Variants in GNAL observed in about 807,000 individuals in gnomAD.
GNAL encodes the protein G protein subunit alpha L.
A neutral mutation model predicts 55.1 loss-of-function variants in GNAL; 18 were observed. The observed-to-expected ratio is 0.33, with a 90% CI of 0.23 to 0.48. The LOEUF is 0.48. GNAL is among the 20% of genes least tolerant of loss of function. GNAL has a pLI of 0.99. For missense variants in GNAL, 412 were observed against 614.1 expected (o/e 0.67, Z 3.48); for synonymous variants, 253 against 237.0 (o/e 1.07, Z -0.62).
At chr18:11,744,164 A>G (rs542220962) in intron 1 of GNAL, among the ~76,000 whole-genome samples, 159 of 152,296 alleles carry the variant, frequency 1.0e-3, no homozygotes, top group African/African-American at 3.7e-3. Context: ...GAGACATGTA[A>G]CCTACTTTTC....
rs972695427 is a variant in GNAL, at chr18:11,698,863, G to A, written c.376+8924G>A. 2.0e-5 allele frequency among the ~76,000 whole-genome samples: 3 copies of A among 152,172 alleles called. No individual in the cohort carries two copies. In the South Asian group the frequency reaches 6.2e-4, roughly 32 times the overall value. ...TCCAGCACAAGTGACTTTCCCTGTT[G>A]ACAGTGTCAGACTAATGTGTCATTT... On this transcript the variant is annotated intron_variant, in intron 1 of 11. Coordinates refer to ENST00000334049, the MANE Select transcript of GNAL (RefSeq NM_182978.4).
At chr18:11,809,029 G>A (rs143975092) in intron 4 of GNAL, among the ~76,000 whole-genome samples, 571 of 152,300 alleles carry the variant, frequency 3.7e-3, no homozygotes, top group African/African-American at 0.013. Context: ...AGGCCAAGGC[G>A]GGCAGATCAC....
At chr18:11,773,701 C>G (rs1198858589) in intron 4 of GNAL, among the ~76,000 whole-genome samples, 2 of 152,180 alleles carry the variant, frequency 1.3e-5, no homozygotes, top group African/African-American at 4.8e-5. Context: ...GGAGGATCAC[C>G]TGAGCCCAGG....
At chr18:11,717,248 G>A (rs529649088) in intron 1 of GNAL, among the ~76,000 whole-genome samples, 24 of 152,328 alleles carry the variant, frequency 1.6e-4, no homozygotes, top group Admixed American at 9.8e-4. Flanking sequence ...AAGTCACACT[G>A]GCCCTGTTCC....
intron 5 of GNAL, among the ~76,000 whole-genome samples, chr18:11,861,886 A>G (rs74255565): frequency 0.075 from 11,336 of 151,770 alleles, 724 homozygotes; most frequent in African/African-American, 0.17. Context: ...TCACCCTTAC[A>G]CTTTTACACA....
intron 10 of GNAL, among the ~76,000 whole-genome samples, chr18:11,875,027 A>T (rs548962473): frequency 1.3e-5 from 2 of 152,304 alleles, no homozygotes; most frequent in South Asian, 4.1e-4. Flanking sequence ...TAATGATAGG[A>T]CCACATGAAT....
At chr18:11,734,142 CTT>C (rs1266453670) in intron 1 of GNAL, among the ~76,000 whole-genome samples, 112 of 147,346 alleles carry the variant, frequency 7.6e-4, no homozygotes, top group African/African-American at 2.8e-3. Context: ...TTTTCTTTTT[CTT>C]TTTCTTTTTT....
intron 4 of GNAL, among the ~76,000 whole-genome samples, chr18:11,803,350 A>T (rs2034568562): frequency 1.3e-5 from 2 of 152,222 alleles, no homozygotes; most frequent in South Asian, 4.1e-4. Context: ...CATGTCACTT[A>T]GCACAAAGTC....
chr18:11,714,386 G>A (rs898560609), intron 1 of GNAL, among the ~76,000 whole-genome samples: 1 of 152,198 alleles, frequency 6.6e-6, no homozygotes, highest in Non-Finnish European at 1.5e-5. Context: ...GGGACAGTAG[G>A]TGCTGAGGTG....
rs1298329884 is a variant in GNAL, at chr18:11,883,072, CTT to C, written c.*1939_*1940del. ...TATTACTCTTCTTTTAGTCTTTAGT[CTT>C]TAATATTTTAAAGTTTACTCTATAA... is the stretch of plus-strand genomic sequence containing the variant. On this transcript the variant is annotated 3_prime_UTR_variant, in exon 12 of 12. Transcript: ENST00000334049. 1.3e-5 allele frequency: 2 copies of C among 152,114 alleles called. No individual in the cohort carries two copies. The highest frequency in any genetic ancestry group is 1.5e-5 in the Non-Finnish European group (1 of 68,024). The allele number at this position is 152,114 out of a possible 1,614,324, so 9.4% of individuals were successfully genotyped here. A position where few individuals can be genotyped will look rare whatever the true frequency, so the allele number is the denominator to read the frequency against.
intron 4 of GNAL, among the ~76,000 whole-genome samples, chr18:11,764,150 G>T (rs1312343017): frequency 6.6e-6 from 1 of 151,972 alleles, no homozygotes; most frequent in African/African-American, 2.4e-5. Flanking sequence ...TGTCGCCCAG[G>T]CTACAGTGCA....
chr18:11,754,181 G>A (rs906758799), intron 4 of GNAL, among the ~76,000 whole-genome samples: 6 of 152,136 alleles, frequency 3.9e-5, no homozygotes, highest in Admixed American at 6.6e-5. Context: ...TTGGGAGGCC[G>A]AGGCGGGCAG....
chr18:11,870,227 T>A (rs930253913), intron 9 of GNAL, among the ~76,000 whole-genome samples: 5 of 151,954 alleles, frequency 3.3e-5, no homozygotes, highest in Non-Finnish European at 7.4e-5. Context: ...TTTTAGGAAG[T>A]ACCAGTTTAG....
chr18:11,760,407 A>G (rs958022587), intron 4 of GNAL, among the ~76,000 whole-genome samples: 6 of 152,166 alleles, frequency 3.9e-5, no homozygotes, highest in African/African-American at 1.4e-4. Context: ...TTTATGGGAG[A>G]AAGGCAACAT....
intron 1 of GNAL, among the ~76,000 whole-genome samples, chr18:11,709,608 ATTGT>A (rs1388272984): frequency 6.6e-6 from 1 of 151,904 alleles, no homozygotes; most frequent in Non-Finnish European, 1.5e-5. Context: ...CAGATAGTTC[ATTGT>A]TTGTATGTAA....
At chr18:11,715,338 G>C (rs1454037691) in intron 1 of GNAL, among the ~76,000 whole-genome samples, 1 of 151,376 alleles carries the variant, frequency 6.6e-6, no homozygotes, top group Non-Finnish European at 1.5e-5. Context: ...GTGGGCACCT[G>C]TAGTCCCAGC....
rs1024915888 is a variant in GNAL, at chr18:11,752,360, C to A, written c.377-493C>A. 2.0e-6 allele frequency: 3 copies of A among 1,518,204 alleles called. No homozygotes were observed. The highest frequency in any genetic ancestry group is 1.8e-6 in the Non-Finnish European group (2 of 1,137,304). The allele number at this position is 1,518,204 out of a possible 1,614,324, so 94.0% of individuals were successfully genotyped here. On this transcript the variant is annotated intron_variant, in intron 1 of 11. Transcript: ENST00000334049. This position sits in a 1 kb window ranked among gnomAD's most constrained non-coding sequence, Gnocchi z 4.5. ...GAAAGAGAGGAGCCGTCGCAGGAGC[C>A]GCACACGTCTCCAACTCTCTATTGC...
chr18:11,806,612 G>A (rs546244411), intron 4 of GNAL, among the ~76,000 whole-genome samples: 10 of 152,082 alleles, frequency 6.6e-5, no homozygotes, highest in South Asian at 6.2e-4. Flanking sequence ...CCAGCATTGC[G>A]GCCCATTAAC....
At chr18:11,804,815 T>A (rs865980398) in intron 4 of GNAL, among the ~76,000 whole-genome samples, 3 of 121,364 alleles carry the variant, frequency 2.5e-5, no homozygotes, top group African/African-American at 1.3e-4. Flanking sequence ...GAAGTACAGG[T>A]GCAGTTTGAG....
Sources: allele counts gnomAD v4.1 joint callset (sites outside exome capture counted in the v4.1 genomes callset), GRCh38; gene constraint gnomAD v4.1.1; non-coding constraint Gnocchi (gnomAD v3.1); transcripts MANE v1.5; gene names NCBI Gene and HGNC (gene_info 2026-07-23, HGNC 2026-07-21).